The following IPO11 variants were observed in gnomAD, a reference collection of about 807,000 sequenced individuals.
IPO11 encodes the protein importin-11.
A neutral mutation model predicts 143.2 loss-of-function variants in IPO11; 66 were observed. That is an observed-to-expected ratio of 0.46 (90% CI 0.38 to 0.57). IPO11 has a LOEUF of 0.57. Ranked by LOEUF, IPO11 falls within the 20% of genes least tolerant of loss-of-function variation. IPO11 has a pLI of 0.00. For missense variants in IPO11, 1,026 were observed against 1,141.0 expected (o/e 0.90, Z 1.45); for synonymous variants, 385 against 377.8 (o/e 1.02, Z -0.22).
In IPO11 at chr5:62,579,006, GAATTT is replaced by G. The variant is rs1353794739; in HGVS notation, c.2583-12566_2583-12562del. 24 of 238,166 alleles carry G rather than the reference GAATTT, an allele frequency of 1.0e-4. No individual in the cohort carries two copies. In the East Asian group the frequency reaches 2.4e-3, roughly 23 times the overall value. The allele number at this position is 238,166 out of a possible 1,614,324, so 14.8% of individuals were successfully genotyped here. A position where few individuals can be genotyped will look rare whatever the true frequency, so the allele number is the denominator to read the frequency against. On this transcript the variant is annotated intron_variant, in intron 27 of 29. Transcript: ENST00000325324. The stretch of plus-strand genomic sequence containing the variant: ...TAGTTCTGTGAAAAACTGTAATTTA[GAATTT>G]AATTGTTCTGTAGTGAATTTGTATT...
At chr5:62,438,531 T>A (rs1025175266) in intron 2 of IPO11, among the ~76,000 whole-genome samples, 9 of 151,944 alleles carry the variant, frequency 5.9e-5, no homozygotes, top group Admixed American at 5.9e-4. Context: ...GGCGGGTGGA[T>A]CACCTGAGGT....
At chr5:62,587,297 TAAGATAGTG>T (rs1744832794) in intron 27 of IPO11, among the ~76,000 whole-genome samples, 1 of 152,166 alleles carries the variant, frequency 6.6e-6, no homozygotes, top group Non-Finnish European at 1.5e-5. Flanking sequence ...ACTTTCACTT[TAAGATAGTG>T]AATTTCCACT....
chr5:62,589,637 C>T (rs1744937544), intron 27 of IPO11, among the ~76,000 whole-genome samples: 1 of 152,164 alleles, frequency 6.6e-6, no homozygotes, highest in Non-Finnish European at 1.5e-5. Flanking sequence ...ATCTTGGCTC[C>T]TCACCAACAA....
At chr5:62,426,752 G>A (rs1015592786) in intron 1 of IPO11, among the ~76,000 whole-genome samples, 1 of 150,336 alleles carries the variant, frequency 6.7e-6, no homozygotes, top group Admixed American at 6.6e-5. Context: ...TTTACTGCTT[G>A]TCTTTTTGTA....
intron 2 of IPO11, among the ~76,000 whole-genome samples, chr5:62,440,426 C>T (rs1744427658): frequency 6.8e-6 from 1 of 147,928 alleles, no homozygotes; most frequent in African/African-American, 2.5e-5. Flanking sequence ...GTGATCTCAG[C>T]TCACTGCAAC....
At position 62,537,286 on chromosome 5, in the gene IPO11, C is replaced by T. The variant is rs945862931; in HGVS notation, c.2247C>T (p.Leu749=). ...CTACAGAAGGTCAAGTTCAGGTGCT[C>T]AAGGTATTGTGATCATTTTAAATGA... ...EITTEGQVQV[L]KVVENALKVN... The change falls in exon 24 of 30, where the codon CTC becomes CTT. Residue 749 remains leucine, a synonymous_variant. Coordinates refer to ENST00000325324, the MANE Select transcript of IPO11 (RefSeq NM_016338.5). 1 of 1,572,718 alleles carries T rather than the reference C, an allele frequency of 6.4e-7. No individual in the cohort carries two copies. The highest frequency in any genetic ancestry group is 1.7e-5 in the Admixed American group (1 of 59,812).
chr5:62,521,579 TC>T (rs1468166257), intron 20 of IPO11, among the ~76,000 whole-genome samples: 3 of 152,168 alleles, frequency 2.0e-5, no homozygotes, highest in Non-Finnish European at 4.4e-5. Context: ...GGTGGACATT[TC>T]AGGCTGGAAA....
Position 62,452,380 on chromosome 5 carries a change from A to G in IPO11, c.516+447A>G, listed in dbSNP as rs1017047127. On this transcript the variant is annotated intron_variant, in intron 5 of 29. Transcript: ENST00000325324. The stretch of plus-strand genomic sequence containing the variant: ...AAGCTGGGCAGTGATATGAATAAAA[A>G]GATCACTTAGTTGCCAGTGAGGAGG... Among the ~76,000 whole-genome samples the G allele has an allele frequency of 5.3e-5, 8 of 151,520 alleles. 1 individual carries two copies. Among genetic ancestry groups the G allele is most frequent in the African/African-American group, 2.0e-4 (8 of 40,756 alleles).
At chr5:62,491,770 G>T (rs894977221) in intron 15 of IPO11, among the ~76,000 whole-genome samples, 1 of 149,942 alleles carries the variant, frequency 6.7e-6, no homozygotes, top group African/African-American at 2.5e-5. Context: ...GGTTCATGCC[G>T]TTCTCCTGCC....
chr5:62,437,981 C>T (rs1216729618), intron 2 of IPO11, among the ~76,000 whole-genome samples: 1 of 152,102 alleles, frequency 6.6e-6, no homozygotes, highest in Non-Finnish European at 1.5e-5. Flanking sequence ...TTTCTCAATG[C>T]CAGAATGAAA....
intron 22 of IPO11, among the ~76,000 whole-genome samples, chr5:62,533,964 A>AAAGAAAAG (rs1554053935): frequency 2.7e-5 from 4 of 148,586 alleles, no homozygotes; most frequent in African/African-American, 9.9e-5. Context: ...AAAAAAAAAA[A>AAAGAAAAG]AAAGAAAGCC....
At chr5:62,547,649 C>G (rs1743250421) in intron 24 of IPO11, among the ~76,000 whole-genome samples, 1 of 151,984 alleles carries the variant, frequency 6.6e-6, no homozygotes. Flanking sequence ...GTGTATACGA[C>G]TATGTTATTT....
At chr5:62,549,129 G>C (rs1440096759) in intron 24 of IPO11, among the ~76,000 whole-genome samples, 1 of 151,490 alleles carries the variant, frequency 6.6e-6, no homozygotes, top group Non-Finnish European at 1.5e-5. Context: ...AAGTAAACTT[G>C]AGATAAAATT....
At chr5:62,533,611 T>C (rs1323434564) in intron 22 of IPO11, among the ~76,000 whole-genome samples, 1 of 152,194 alleles carries the variant, frequency 6.6e-6, no homozygotes, top group African/African-American at 2.4e-5. Flanking sequence ...TTTTTGTATG[T>C]TAAATTCTCT....
chr5:62,469,766 G>A (rs919063197), intron 6 of IPO11, among the ~76,000 whole-genome samples: 1 of 152,076 alleles, frequency 6.6e-6, no homozygotes, highest in African/African-American at 2.4e-5. Flanking sequence ...GTTTGTCAGT[G>A]TTACTCATGA....
intron 27 of IPO11, among the ~76,000 whole-genome samples, chr5:62,576,908 A>C (rs1463141895): frequency 6.6e-6 from 1 of 152,262 alleles, no homozygotes; most frequent in Non-Finnish European, 1.5e-5. Context: ...ATAGTTGTGT[A>C]TTAATACCAG....
intron 24 of IPO11, among the ~76,000 whole-genome samples, chr5:62,546,195 A>G (rs1355049288): frequency 6.6e-6 from 1 of 152,162 alleles, no homozygotes; most frequent in Non-Finnish European, 1.5e-5. Context: ...CTTGGAACCA[A>G]CCCAAATGTC....
intron 20 of IPO11, among the ~76,000 whole-genome samples, chr5:62,524,837 T>C (rs1263458521): frequency 6.6e-6 from 1 of 152,188 alleles, no homozygotes; most frequent in Non-Finnish European, 1.5e-5. Context: ...GTAATTTGCT[T>C]TGAATTATAT....
chr5:62,502,866 C>T (rs981498679), intron 16 of IPO11, among the ~76,000 whole-genome samples: 33 of 151,800 alleles, frequency 2.2e-4, no homozygotes, highest in African/African-American at 7.5e-4. Flanking sequence ...GCTCTGTTGC[C>T]CAGGCTGGAG....
Sources: gnomAD v4.1 joint callset for allele counts (sites outside exome capture counted in the v4.1 genomes callset) on GRCh38, gnomAD v4.1.1 for gene constraint, MANE v1.5 for transcripts, NCBI Gene and HGNC (gene_info 2026-07-23, HGNC 2026-07-21) for gene names.